The following GLYATL2 variants were observed in gnomAD, a reference collection of about 807,000 sequenced individuals.
The protein encoded by GLYATL2 is glycine-N-acyltransferase like 2.
A neutral mutation model predicts 21.4 loss-of-function variants in GLYATL2; 25 were observed. The ratio of observed to expected loss-of-function variants is 1.17; its 90% confidence interval spans 0.85 to 1.63. The LOEUF (loss-of-function observed/expected upper bound fraction) is 1.63. Ranked by LOEUF, GLYATL2 falls within the 40% of genes most tolerant of loss-of-function variation. GLYATL2 has a pLI of 0.00. For missense variants in GLYATL2, 361 were observed against 343.3 expected (o/e 1.05, Z -0.41); for synonymous variants, 114 against 118.2 (o/e 0.96, Z 0.23).
At chr11:58,890,008 A>G (rs1854512602) in intron 1 of GLYATL2, among the ~76,000 whole-genome samples, 1 of 152,146 alleles carries the variant, frequency 6.6e-6, no homozygotes, top group African/African-American at 2.4e-5. Flanking sequence ...ACATGGGAAT[A>G]TTACACGTTG....
At chr11:58,835,360 C>T (rs188767634) in intron 5 of GLYATL2, among the ~76,000 whole-genome samples, 13 of 152,302 alleles carry the variant, frequency 8.5e-5, no homozygotes, top group African/African-American at 2.6e-4. Context: ...TACCCAGAAA[C>T]GCAGTTTAAG....
chr11:58,880,328 G>C (rs761528503), intron 1 of GLYATL2, among the ~76,000 whole-genome samples: 3 of 152,176 alleles, frequency 2.0e-5, no homozygotes, highest in Admixed American at 2.0e-4. Context: ...GTATGAGGAG[G>C]AGGAGGCCCT....
chr11:58,875,042 A>C (rs1854201411), intron 1 of GLYATL2, among the ~76,000 whole-genome samples: 1 of 152,172 alleles, frequency 6.6e-6, no homozygotes, highest in African/African-American at 2.4e-5. Context: ...ACCATTATGT[A>C]ATGGCCTTCT....
intron 1 of GLYATL2, among the ~76,000 whole-genome samples, chr11:58,860,922 A>G (rs1379742317): frequency 1.3e-5 from 2 of 152,106 alleles, no homozygotes; most frequent in African/African-American, 4.8e-5. Context: ...ACGTTGAACT[A>G]TCTTTGCATC....
intron 1 of GLYATL2, among the ~76,000 whole-genome samples, chr11:58,886,419 A>C (rs547540): frequency 6.6e-6 from 1 of 152,096 alleles, no homozygotes; most frequent in African/African-American, 2.4e-5. Flanking sequence ...GATACCAGAT[A>C]TTAAGGCATT....
chr11:58,845,780 G>A (rs149898258), upstream of GLYATL2, among the ~76,000 whole-genome samples: 103 of 152,228 alleles, frequency 6.8e-4, no homozygotes, highest in East Asian at 0.017. Flanking sequence ...GGAACATGAG[G>A]CCAAATATCG....
upstream of GLYATL2, among the ~76,000 whole-genome samples, chr11:58,909,197 T>C (rs138511663): frequency 2.6e-5 from 4 of 152,262 alleles, no homozygotes; most frequent in Admixed American, 6.5e-5. Flanking sequence ...AAATCTAAAA[T>C]TGTCAAACTC....
intron 1 of GLYATL2, among the ~76,000 whole-genome samples, chr11:58,866,922 A>G (rs989591270): frequency 6.7e-6 from 1 of 149,396 alleles, no homozygotes; most frequent in African/African-American, 2.4e-5. Flanking sequence ...ATAGGTGCCA[A>G]TGGCTATCAG....
intron 1 of GLYATL2, among the ~76,000 whole-genome samples, chr11:58,857,118 C>T (rs1853842016): frequency 6.6e-6 from 1 of 152,164 alleles, no homozygotes; most frequent in African/African-American, 2.4e-5. Flanking sequence ...CATAAGGCTA[C>T]ACTGATTTAC....
At chr11:58,905,782 G>A, upstream of GLYATL2, 1 of 385,786 alleles carries the variant, frequency 2.6e-6, no homozygotes, top group Non-Finnish European at 5.3e-6. Flanking sequence ...CGGCCTGGCC[G>A]TCTGACCCGC....
upstream of GLYATL2, among the ~76,000 whole-genome samples, chr11:58,848,162 G>A (rs771191594): frequency 6.6e-6 from 1 of 152,142 alleles, no homozygotes; most frequent in Non-Finnish European, 1.5e-5. Context: ...GCTCTCTGAA[G>A]TAGAGACAGC....
chr11:58,906,689 T>G (rs901659432), upstream of GLYATL2, among the ~76,000 whole-genome samples: 1 of 152,176 alleles, frequency 6.6e-6, no homozygotes, highest in Admixed American at 6.5e-5. Context: ...CATGTTAGGG[T>G]AGCGCTGCTG....
intron 1 of GLYATL2, among the ~76,000 whole-genome samples, chr11:58,886,361 T>C (rs1174110653): frequency 6.6e-6 from 1 of 152,234 alleles, no homozygotes; most frequent in African/African-American, 2.4e-5. Context: ...ATTTCCAATT[T>C]AGAGATGAGG....
upstream of GLYATL2, among the ~76,000 whole-genome samples, chr11:58,908,945 A>C (rs1854973921): frequency 6.6e-6 from 1 of 152,240 alleles, no homozygotes; most frequent in Non-Finnish European, 1.5e-5. Context: ...TTTCCAAAAA[A>C]GAAACTGAAG....
chr11:58,853,789 G>A (rs1048221047), intron 1 of GLYATL2, among the ~76,000 whole-genome samples: 1 of 152,062 alleles, frequency 6.6e-6, no homozygotes, highest in Non-Finnish European at 1.5e-5. Flanking sequence ...ATTAATATAT[G>A]CACTATCATA....
Position 58,834,286 on chromosome 11 carries a change from G to A in GLYATL2, c.*143C>T. 1 of 576,014 alleles carries A rather than the reference G, an allele frequency of 1.7e-6. No individual in the cohort carries two copies. The highest frequency in any genetic ancestry group is 3.1e-5 in the East Asian group (1 of 32,102). 35.7% of individuals were successfully genotyped at this position (576,014 alleles called of 1,614,324 possible). A position where few individuals can be genotyped will look rare whatever the true frequency, so the allele number is the denominator to read the frequency against. ...TGTAAGAATACAGAGGAGAAGGAAG[G>A]TAAAACTGTTAAGGGTGAGCTTAAG... is the stretch of plus-strand genomic sequence containing the variant. On this transcript the variant is annotated 3_prime_UTR_variant, in exon 6 of 6. Coordinates refer to ENST00000287275, the MANE Select transcript of GLYATL2 (RefSeq NM_145016.4).
chr11:58,897,496 A>G (rs996620252), intron 1 of GLYATL2, among the ~76,000 whole-genome samples: 6 of 152,178 alleles, frequency 3.9e-5, no homozygotes, highest in Non-Finnish European at 7.4e-5. Context: ...CCTAGAGATC[A>G]CAGCACCCCA....
At chr11:58,881,015 A>G (rs1854323400) in intron 1 of GLYATL2, among the ~76,000 whole-genome samples, 1 of 152,174 alleles carries the variant, frequency 6.6e-6, no homozygotes, top group Non-Finnish European at 1.5e-5. Context: ...CTTCTCTTAC[A>G]TTAACTAAGT....
chr11:58,876,233 T>G (rs540573), intron 1 of GLYATL2, among the ~76,000 whole-genome samples: 134,704 of 152,114 alleles, frequency 0.89, 60,853 homozygotes, highest in Non-Finnish European at 0.98. Context: ...CCATTGGTTC[T>G]AACTTCCTCC....
Sources: allele counts gnomAD v4.1 joint callset (sites outside exome capture counted in the v4.1 genomes callset), GRCh38; gene constraint gnomAD v4.1.1; transcripts MANE v1.5; gene names NCBI Gene and HGNC (gene_info 2026-07-23, HGNC 2026-07-21).